PCDH7: variants seen among roughly 807,000 people sequenced by gnomAD.
PCDH7 encodes the protein protocadherin-7.
Under a neutral mutation model 58.9 loss-of-function variants are expected in PCDH7, and 17 were observed. The ratio of observed to expected loss-of-function variants is 0.29; its 90% CI spans 0.20 to 0.43. The LOEUF is 0.43. PCDH7 is among the 20% of genes least tolerant of loss of function. The pLI is 1.00. For missense variants in PCDH7, 1,274 were observed against 1,441.0 expected, an observed-to-expected ratio of 0.88 and a Z score of 1.88; for synonymous variants, 664 against 616.4, an observed-to-expected ratio of 1.08 and a Z score of -1.14.
At chr4:30,824,665 C>A (rs1317165259) in intron 1 of PCDH7, among the ~76,000 whole-genome samples, 1 of 151,962 alleles carries the variant, frequency 6.6e-6, no homozygotes. Context: ...ACAATACAGG[C>A]CCGGTTTTAG....
exon 1 of PCDH7, chr4:30,724,384 G>T: frequency 6.2e-7 from 1 of 1,614,014 alleles, no homozygotes; most frequent in Non-Finnish European, 8.5e-7. Flanking sequence ...TGGTGGGCCC[G>T]GCAGTCCTGA....
intron 1 of PCDH7, among the ~76,000 whole-genome samples, chr4:30,729,896 G>C (rs73117597): frequency 0.14 from 21,958 of 151,754 alleles, 1,824 homozygotes; most frequent in East Asian, 0.31. Flanking sequence ...AACCAATCTA[G>C]TGTACTAGAT....
intron 3 of PCDH7, among the ~76,000 whole-genome samples, chr4:31,048,842 A>G (rs184517524): frequency 4.6e-5 from 7 of 152,246 alleles, no homozygotes; most frequent in East Asian, 3.9e-4. Flanking sequence ...TGGAAAGAAC[A>G]TTATATGAAA....
rs189894824 is a variant in PCDH7 at position 30,975,376 on chromosome 4, G to C, written c.*7+25161G>C. Among the ~76,000 whole-genome samples the C allele has an allele frequency of 7.3e-4, 111 of 152,108 alleles. 1 individual carries two copies. The highest frequency in any genetic ancestry group is 2.6e-3 in the African/African-American group (107 of 41,496). On this transcript the variant is annotated intron_variant, in intron 3 of 3. Transcript: ENST00000509759. Reference sequence around the variant, plus strand: ...GTATCTCAAAAATCATCAGAATCATGTTTCTCCTTCATGACTAATATAATA... The same window carrying C: ...GTATCTCAAAAATCATCAGAATCATCTTTCTCCTTCATGACTAATATAATA...
At chr4:31,010,953 G>T (rs1314571148) in intron 3 of PCDH7, among the ~76,000 whole-genome samples, 6 of 151,914 alleles carry the variant, frequency 3.9e-5, no homozygotes, top group Admixed American at 3.9e-4. Flanking sequence ...ATAAATGCCA[G>T]CCTCCTTCTT....
At chr4:30,801,850 C>G (rs187100383) in intron 1 of PCDH7, among the ~76,000 whole-genome samples, 9 of 152,206 alleles carry the variant, frequency 5.9e-5, no homozygotes, top group African/African-American at 2.2e-4. Context: ...TGACTTAAAT[C>G]CAATTATGTT....
chr4:30,894,344 A>C (rs1219844063), intron 1 of PCDH7, among the ~76,000 whole-genome samples: 1 of 150,632 alleles, frequency 6.6e-6, no homozygotes, highest in African/African-American at 2.4e-5. Flanking sequence ...GGCAAAGGGT[A>C]CACTAGTGAA....
At chr4:31,074,784 C>CAAAAAAAAAAAAAAAAAAAAAAAAAAA (rs1157267696) in intron 3 of PCDH7, among the ~76,000 whole-genome samples, 4 of 52,470 alleles carry the variant, frequency 7.6e-5, no homozygotes, top group African/African-American at 1.8e-4. Context: ...GATTCCGTCT[C>CAAAAAAAAAAAAAAAAAAAAAAAAAAA]AAAAAAAAAA....
intron 3 of PCDH7, among the ~76,000 whole-genome samples, chr4:31,026,598 A>T (rs1402852351): frequency 6.6e-6 from 1 of 152,244 alleles, no homozygotes; most frequent in African/African-American, 2.4e-5. Flanking sequence ...ATTAGCATAC[A>T]TGCTTTCCTG....
At chr4:31,019,283 A>G (rs1237338494) in intron 3 of PCDH7, among the ~76,000 whole-genome samples, 1 of 152,220 alleles carries the variant, frequency 6.6e-6, no homozygotes, top group Admixed American at 6.5e-5. Context: ...ATATTTATTA[A>G]CATAAGAGCT....
intron 1 of PCDH7, among the ~76,000 whole-genome samples, chr4:30,910,572 A>G (rs75578239): frequency 0.95 from 144,682 of 152,254 alleles, 68,816 homozygotes; most frequent in East Asian, 1. Context: ...CATCATCACC[A>G]GTCATCAGAG....
At chr4:30,759,278 T>A (rs983519715) in intron 1 of PCDH7, among the ~76,000 whole-genome samples, 1 of 152,102 alleles carries the variant, frequency 6.6e-6, no homozygotes, top group African/African-American at 2.4e-5. Context: ...ATGTCAAAGA[T>A]GTCAGCATTC....
chr4:31,052,729 A>G (rs948009249), intron 3 of PCDH7, among the ~76,000 whole-genome samples: 6 of 152,180 alleles, frequency 3.9e-5, no homozygotes, highest in Non-Finnish European at 8.8e-5. Flanking sequence ...TTTGTTTAAT[A>G]TGATGAGCTG....
chr4:30,945,860 C>T (rs1050360769), intron 2 of PCDH7, among the ~76,000 whole-genome samples: 4 of 152,082 alleles, frequency 2.6e-5, no homozygotes, highest in Admixed American at 1.3e-4. Flanking sequence ...TTAATTCCAT[C>T]GGGCCACAGT....
chr4:30,964,144 T>C (rs943453516), intron 3 of PCDH7, among the ~76,000 whole-genome samples: 2 of 152,200 alleles, frequency 1.3e-5, no homozygotes, highest in African/African-American at 4.8e-5. Context: ...TCATTTTCTT[T>C]GGGAAATGTC....
chr4:31,097,625 T>TAC, intron 3 of PCDH7, among the ~76,000 whole-genome samples: 1 of 41,372 alleles, frequency 2.4e-5, no homozygotes, highest in South Asian at 1.5e-3. Context: ...TATATATATA[T>TAC]ATATATATAT....
chr4:30,909,487 G>A (rs575745020), intron 1 of PCDH7, among the ~76,000 whole-genome samples: 1 of 152,236 alleles, frequency 6.6e-6, no homozygotes, highest in East Asian at 1.9e-4. Context: ...CAAAGTCTCA[G>A]GATACAAAAT....
At chr4:30,941,672 T>C (rs1412661230) in intron 2 of PCDH7, among the ~76,000 whole-genome samples, 2 of 151,888 alleles carry the variant, frequency 1.3e-5, no homozygotes, top group African/African-American at 4.8e-5. Flanking sequence ...AAAGTGGAAA[T>C]ATAGAAATTC....
At chr4:31,106,644 C>T (rs1490407353) in intron 3 of PCDH7, among the ~76,000 whole-genome samples, 3 of 152,206 alleles carry the variant, frequency 2.0e-5, no homozygotes, top group Non-Finnish European at 4.4e-5. Flanking sequence ...AACCATACTT[C>T]CTGGCCCCAG....
Sources: gnomAD v4.1 joint callset for allele counts (sites outside exome capture counted in the v4.1 genomes callset) on GRCh38, gnomAD v4.1.1 for gene constraint, MANE v1.5 for transcripts, NCBI Gene and HGNC (gene_info 2026-07-23, HGNC 2026-07-21) for gene names.